RUNDC3B: variants seen among roughly 807,000 people sequenced by gnomAD.
RUNDC3B encodes the protein RUN domain-containing protein 3B.
Under a neutral mutation model 58.4 loss-of-function variants are expected in RUNDC3B, and 33 were observed. The ratio of observed to expected loss-of-function variants is 0.56; its 90% CI spans 0.43 to 0.75. The LOEUF is 0.75. RUNDC3B is among the 30% of genes least tolerant of loss of function. The pLI is 0.00. For missense variants in RUNDC3B, 501 were observed against 535.7 expected, an observed-to-expected ratio of 0.94 and a Z score of 0.64; for synonymous variants, 193 against 195.2, an observed-to-expected ratio of 0.99 and a Z score of 0.10.
rs187461457 is a variant in RUNDC3B, at chr7:87,655,205, C to T, written c.238+4268C>T. Among the ~76,000 whole-genome samples the T allele has an allele frequency of 1.7e-3, 264 of 152,216 alleles. 1 individual carries two copies. Among genetic ancestry groups the T allele is most frequent in the Non-Finnish European group, 2.3e-3 (159 of 67,984 alleles). The stretch of plus-strand genomic sequence containing the variant: ...AAAATAGAACCTCCATGTAAACCAG[C>T]AATCCCACTTGTAGGTACATAGCCA... On this transcript the variant is annotated intron_variant, in intron 2 of 10. Coordinates refer to ENST00000394654, the MANE Select transcript of RUNDC3B (RefSeq NM_001134405.2).
At chr7:87,726,957 A>T (rs1446810628) in intron 4 of RUNDC3B, among the ~76,000 whole-genome samples, 1 of 152,132 alleles carries the variant, frequency 6.6e-6, no homozygotes, top group African/African-American at 2.4e-5. Context: ...GACTTTGCTG[A>T]AGTTGCTTAT....
At chr7:87,663,000 T>C (rs1417144044) in intron 2 of RUNDC3B, among the ~76,000 whole-genome samples, 1 of 152,066 alleles carries the variant, frequency 6.6e-6, no homozygotes, top group African/African-American at 2.4e-5. Context: ...ATTTTACTTA[T>C]AGCAATTATA....
chr7:87,745,497 A>G (rs190218543), intron 6 of RUNDC3B, among the ~76,000 whole-genome samples: 11 of 151,808 alleles, frequency 7.2e-5, no homozygotes, highest in Non-Finnish European at 1.3e-4. Flanking sequence ...CCTGCTTGTT[A>G]TTGGTCTGTT....
In RUNDC3B at chr7:87,684,420, T is replaced by G. The variant is rs879649323; in HGVS notation, c.239-16001T>G. Among the ~76,000 whole-genome samples, 18 of 152,142 alleles carry G rather than the reference T, an allele frequency of 1.2e-4. No homozygotes were observed. In the South Asian group the frequency reaches 1.2e-3, roughly 10 times the overall value. On this transcript the variant is annotated intron_variant, in intron 2 of 10. Coordinates refer to ENST00000394654, the MANE Select transcript of RUNDC3B (RefSeq NM_001134405.2). ...AAGTTGGAAACTCAAATTATCTGAT[T>G]TTAAGACTTACTGTTAAGATGCAGT...
At chr7:87,669,194 GT>G (rs1009565393) in intron 2 of RUNDC3B, among the ~76,000 whole-genome samples, 2 of 151,902 alleles carry the variant, frequency 1.3e-5, no homozygotes, top group Admixed American at 6.6e-5. Flanking sequence ...GGGTATTTAG[GT>G]TTTTTTGTTG....
At chr7:87,819,013 T>C (rs1319409746) in intron 10 of RUNDC3B, among the ~76,000 whole-genome samples, 2 of 152,174 alleles carry the variant, frequency 1.3e-5, no homozygotes, top group Non-Finnish European at 2.9e-5. Flanking sequence ...ATGGGGAGTC[T>C]GTCCCTTGCA....
chr7:87,691,067 A>T (rs1357213623), intron 2 of RUNDC3B, among the ~76,000 whole-genome samples: 1 of 152,182 alleles, frequency 6.6e-6, no homozygotes, highest in African/African-American at 2.4e-5. Flanking sequence ...TGAATAGAAA[A>T]CAAAGTTGGA....
intron 2 of RUNDC3B, among the ~76,000 whole-genome samples, chr7:87,684,869 C>T (rs1827305735): frequency 6.6e-6 from 1 of 151,216 alleles, no homozygotes; most frequent in South Asian, 2.1e-4. Flanking sequence ...AAGTGATAAC[C>T]TTTAAGAATA....
In RUNDC3B at chr7:87,629,035, A is replaced by G. The variant is rs1240136481; in HGVS notation, c.122+90A>G. 5.9e-6 allele frequency: 7 copies of G among 1,189,514 alleles called. 1 individual carries two copies. The African/African-American group carries it at 1.1e-4, about 19-fold the overall frequency. 73.7% of individuals were successfully genotyped at this position (1,189,514 alleles called of 1,614,324 possible). On this transcript the variant is annotated intron_variant, in intron 1 of 10. Coordinates refer to ENST00000394654, the MANE Select transcript of RUNDC3B (RefSeq NM_001134405.2). Reference sequence around the variant, plus strand: ...CGGGTCCTTGGGGGTCCCGGGCATGATGGGCTGCCGCCCAGTGCCCCCGCC... The same window carrying G: ...CGGGTCCTTGGGGGTCCCGGGCATGGTGGGCTGCCGCCCAGTGCCCCCGCC...
At chr7:87,811,301 C>G (rs1836697225) in intron 9 of RUNDC3B, among the ~76,000 whole-genome samples, 1 of 151,492 alleles carries the variant, frequency 6.6e-6, no homozygotes, top group Admixed American at 6.6e-5. Context: ...GAATCATGAG[C>G]TCTTACATGC....
chr7:87,770,381 GT>G (rs1390254713), intron 6 of RUNDC3B, among the ~76,000 whole-genome samples, 199 bp from the exon 7 acceptor site: 4 of 151,650 alleles, frequency 2.6e-5, no homozygotes, highest in Admixed American at 2.0e-4. Context: ...TCTAGGGTTG[GT>G]TTCCGAGAGG....
At chr7:87,741,601 GT>G (rs755918149) in intron 6 of RUNDC3B, 22 bp downstream of exon 6, 11 of 1,361,742 alleles carry the variant, frequency 8.1e-6, no homozygotes, top group Admixed American at 1.9e-5. Context: ...TTTGAGATAT[GT>G]TTTTTAAAAT....
intron 4 of RUNDC3B, among the ~76,000 whole-genome samples, chr7:87,716,377 T>C (rs1167886746): frequency 6.6e-6 from 1 of 152,240 alleles, no homozygotes; most frequent in Admixed American, 6.5e-5. Context: ...AACTTTTGAA[T>C]TCTCTGAAAA....
At chr7:87,739,323 T>C (rs1329910781) in intron 4 of RUNDC3B, among the ~76,000 whole-genome samples, 1 of 152,018 alleles carries the variant, frequency 6.6e-6, no homozygotes, top group Non-Finnish European at 1.5e-5. Context: ...CCCAAATTCT[T>C]AACTTACTCA....
intron 4 of RUNDC3B, among the ~76,000 whole-genome samples, chr7:87,714,640 C>T (rs1051740976): frequency 3.3e-5 from 5 of 152,032 alleles, no homozygotes; most frequent in Admixed American, 6.6e-5. Flanking sequence ...GGAAATAGGA[C>T]GTGAAGATAG....
At chr7:87,666,488 G>A (rs1331171740) in intron 2 of RUNDC3B, among the ~76,000 whole-genome samples, 1 of 152,086 alleles carries the variant, frequency 6.6e-6, no homozygotes, top group African/African-American at 2.4e-5. Flanking sequence ...AAGCTCTTAA[G>A]TTTAATTAGA....
chr7:87,819,147 C>G (rs1202823101), intron 10 of RUNDC3B, among the ~76,000 whole-genome samples: 1 of 152,098 alleles, frequency 6.6e-6, no homozygotes, highest in East Asian at 1.9e-4. Context: ...AGTTGTGACT[C>G]GGCCCTGATC....
intron 10 of RUNDC3B, among the ~76,000 whole-genome samples, chr7:87,818,170 T>C (rs1837181287): frequency 6.6e-6 from 1 of 152,148 alleles, no homozygotes; most frequent in African/African-American, 2.4e-5. Flanking sequence ...AAAAGACATT[T>C]AGGATTTTAT....
intron 8 of RUNDC3B, among the ~76,000 whole-genome samples, chr7:87,795,439 C>A (rs991010179): frequency 1.3e-5 from 2 of 152,154 alleles, no homozygotes; most frequent in Non-Finnish European, 2.9e-5. Flanking sequence ...TATCATCTCA[C>A]CCCAGTTAAA....
Sources: gnomAD v4.1 joint callset for allele counts (sites outside exome capture counted in the v4.1 genomes callset) on GRCh38, gnomAD v4.1.1 for gene constraint, MANE v1.5 for transcripts, NCBI Gene and HGNC (gene_info 2026-07-23, HGNC 2026-07-21) for gene names.